STIM2: variants seen among roughly 807,000 people sequenced by gnomAD.
STIM2 encodes stromal interaction molecule 2.
Under a neutral mutation model 85.8 loss-of-function variants are expected in STIM2, and 31 were observed. The observed-to-expected ratio is 0.36, with a 90% CI of 0.27 to 0.49. The LOEUF (loss-of-function observed/expected upper bound fraction) is 0.49. Among genes scored for constraint, STIM2 ranks in the 20% least tolerant of loss-of-function variants. The pLI, the probability that STIM2 is intolerant of heterozygous loss-of-function variation, is 0.98. For synonymous variants in STIM2, 356 were observed against 331.1 expected (o/e 1.08, Z -0.82); for missense variants, 841 against 927.6 (o/e 0.91, Z 1.21).
At chr4:26,961,021 A>T (rs910750749) in intron 3 of STIM2, among the ~76,000 whole-genome samples, 4 of 152,128 alleles carry the variant, frequency 2.6e-5, no homozygotes, top group African/African-American at 9.7e-5. Context: ...TCTCAAAAAA[A>T]AAAAAAATAC....
intron 1 of STIM2, among the ~76,000 whole-genome samples, chr4:26,881,796 G>A (rs1723025590): frequency 2.0e-5 from 3 of 152,122 alleles, no homozygotes; most frequent in Non-Finnish European, 2.9e-5. Flanking sequence ...TCATTGTTGG[G>A]TAGATTCTCA....
intron 1 of STIM2, among the ~76,000 whole-genome samples, chr4:26,872,417 T>C (rs1482593730): frequency 6.6e-6 from 1 of 152,232 alleles, no homozygotes; most frequent in Non-Finnish European, 1.5e-5. Context: ...TTAAAATCTT[T>C]AATTTCTGAG....
chr4:26,873,713 T>G (rs1047995547), intron 1 of STIM2: 1 of 849,050 alleles, frequency 1.2e-6, no homozygotes, highest in South Asian at 1.3e-5. Flanking sequence ...TGGGACAGCT[T>G]CTGGAGATGC....
chr4:26,995,853 G>A (rs10939147), intron 4 of STIM2, among the ~76,000 whole-genome samples: 52,091 of 151,868 alleles, frequency 0.34, 9,203 homozygotes, highest in African/African-American at 0.43. Context: ...ATTAATGTGC[G>A]TCTCTTTCTT....
intron 2 of STIM2, among the ~76,000 whole-genome samples, chr4:26,930,093 A>G (rs1725149131): frequency 6.6e-6 from 1 of 152,176 alleles, no homozygotes; most frequent in Admixed American, 6.5e-5. Flanking sequence ...TTCTGGACCA[A>G]CATAAAAAAG....
In STIM2 at chr4:27,002,296, T is replaced by A; in HGVS notation, c.705T>A (p.Tyr235Ter). The A allele has an allele frequency of 6.2e-7, 1 of 1,613,732 alleles. No individual in the cohort carries two copies. ...GTGTTGGAGGCTGCTGGTTTGCTTA[T>A]ACGCAGAATAAGACATCAAAAGAAC... Residue 235 changes from tyrosine to a stop codon, truncating the protein, a stop_gained, in exon 6 of 12, where the codon TAT (tyrosine) becomes TAA (stop). Coordinates refer to ENST00000467087, the MANE Select transcript of STIM2 (RefSeq NM_020860.4). LOFTEE classifies it high-confidence loss of function.
chr4:26,918,094 TTTC>T (rs1560206833), intron 1 of STIM2, among the ~76,000 whole-genome samples: 1 of 152,102 alleles, frequency 6.6e-6, no homozygotes, highest in African/African-American at 2.4e-5. Context: ...TATAGTTTCC[TTTC>T]TTTTCTGATT....
intron 3 of STIM2, among the ~76,000 whole-genome samples, chr4:26,960,309 C>G (rs553293069): frequency 5.0e-4 from 76 of 152,146 alleles, no homozygotes; most frequent in African/African-American, 1.8e-3. Context: ...TGAATATATA[C>G]AAAAGTGTGT....
In STIM2 at chr4:26,920,933, G is replaced by A. The variant is rs566936318; in HGVS notation, c.282+1299G>A. 2.2e-4 allele frequency among the ~76,000 whole-genome samples: 34 copies of A among 152,280 alleles called. No individual in the cohort carries two copies. The Middle Eastern group carries it at 0.01, about 46-fold the overall frequency. On this transcript the variant is annotated intron_variant, in intron 2 of 11. Coordinates refer to ENST00000467087, the MANE Select transcript of STIM2 (RefSeq NM_020860.4). Reference sequence around the variant, plus strand: ...GATGTTGGCAGACTTTTTCTGCAAAGGGCCAAGATATGGGTTGAAATGTGT... The same window carrying A: ...GATGTTGGCAGACTTTTTCTGCAAAAGGCCAAGATATGGGTTGAAATGTGT...
At position 26,869,958 on chromosome 4, in the gene STIM2, A is replaced by G. The variant is rs565305750; in HGVS notation, c.151+8589A>G. Among the ~76,000 whole-genome samples, 23 of 152,182 alleles carry G rather than the reference A, an allele frequency of 1.5e-4. No homozygotes were observed. In the East Asian group the frequency reaches 3.7e-3, roughly 24 times the overall value. On this transcript the variant is annotated intron_variant, in intron 1 of 11. Coordinates refer to ENST00000467087, the MANE Select transcript of STIM2 (RefSeq NM_020860.4). ...AATGTGATACATACGCACTTGCACC[A>G]TGAAATATTATTCAGCATTAAAAAA...
intron 3 of STIM2, among the ~76,000 whole-genome samples, chr4:26,986,879 A>G (rs1311827069): frequency 1.3e-5 from 2 of 152,276 alleles, no homozygotes; most frequent in African/African-American, 4.8e-5. Flanking sequence ...TAATACTTAA[A>G]TGGCAACTTG....
intron 2 of STIM2, among the ~76,000 whole-genome samples, chr4:26,936,153 A>G (rs1285760411): frequency 6.6e-6 from 1 of 152,260 alleles, no homozygotes; most frequent in African/African-American, 2.4e-5. Context: ...TTAAGAAAAC[A>G]TCTGATGATT....
intron 8 of STIM2, 196 bp downstream of exon 8, chr4:27,007,896 A>G (rs1429265513): frequency 2.7e-6 from 2 of 731,632 alleles, no homozygotes; most frequent in African/African-American, 3.6e-5. Flanking sequence ...GGAGAAGTGT[A>G]TACTTTTCAA....
chr4:26,860,927 T>G lies in STIM2; in HGVS notation c.-292T>G. ...GCCGTACCTTTCTACCCCCCACCTT[T>G]TTTTTTTTTTTTTTTAAATAACCGG... On this transcript the variant is annotated 5_prime_UTR_variant, in exon 1 of 12. Coordinates refer to ENST00000467087, the MANE Select transcript of STIM2 (RefSeq NM_020860.4). The G allele has an allele frequency of 2.4e-6, 1 of 417,312 alleles. No homozygotes were observed. The allele number at this position is 417,312 out of a possible 1,614,324, so 25.9% of individuals were successfully genotyped here.
At chr4:26,862,114 G>C (rs962072005) in intron 1 of STIM2, among the ~76,000 whole-genome samples, 23 of 152,106 alleles carry the variant, frequency 1.5e-4, no homozygotes, top group African/African-American at 5.3e-4. Flanking sequence ...CTGATAGACT[G>C]CACTAGCACC....
intron 2 of STIM2, among the ~76,000 whole-genome samples, chr4:26,921,290 C>A (rs186568126): frequency 5.1e-4 from 78 of 152,272 alleles, no homozygotes; most frequent in African/African-American, 1.8e-3. Context: ...ATTCTGTGGA[C>A]ACATTGATTT....
At chr4:26,987,481 A>G (rs565448439) in intron 3 of STIM2, among the ~76,000 whole-genome samples, 111 of 152,182 alleles carry the variant, frequency 7.3e-4, no homozygotes, top group African/African-American at 2.6e-3. Flanking sequence ...GCCCTTCCCC[A>G]TATTTTACCT....
intron 1 of STIM2, among the ~76,000 whole-genome samples, chr4:26,887,932 A>G (rs1311075429): frequency 6.6e-6 from 1 of 152,200 alleles, no homozygotes; most frequent in Non-Finnish European, 1.5e-5. Flanking sequence ...AATCCATAGG[A>G]TAGGCTGGCA....
At chr4:26,930,991 G>C (rs976045275) in intron 2 of STIM2, among the ~76,000 whole-genome samples, 1 of 152,002 alleles carries the variant, frequency 6.6e-6, no homozygotes, top group African/African-American at 2.4e-5. Context: ...ATATCAGCTG[G>C]GGTTGTGTCA....
Sources: allele counts gnomAD v4.1 joint callset (sites outside exome capture counted in the v4.1 genomes callset), GRCh38; gene constraint gnomAD v4.1.1; transcripts MANE v1.5; gene names NCBI Gene and HGNC (gene_info 2026-07-23, HGNC 2026-07-21).